The following TTL variants were observed in gnomAD, a reference collection of about 807,000 sequenced individuals.
The protein encoded by TTL is tubulin tyrosine ligase.
In TTL, 10 loss-of-function variants were observed where a neutral mutation model predicts 41.1. The ratio of observed to expected loss-of-function variants is 0.24; its 90% CI spans 0.15 to 0.41. TTL has a LOEUF of 0.41. Ranked by LOEUF, TTL falls within the 10% of genes least tolerant of loss-of-function variation. The pLI, the probability that TTL is intolerant of heterozygous loss-of-function variation, is 1.00. For missense variants in TTL, 367 were observed against 460.4 expected (o/e 0.80, Z 1.86); for synonymous variants, 175 against 175.5 (o/e 1.00, Z 0.02).
Position 112,536,797 on chromosome 2 carries a change from G to A in TTL, c.*8002G>A, listed in dbSNP as rs1164559193. 1 of 152,162 alleles carries A rather than the reference G, an allele frequency of 6.6e-6. No individual in the cohort carries two copies. The highest frequency in any genetic ancestry group is 1.9e-4 in the East Asian group (1 of 5,202). The allele number at this position is 152,162 out of a possible 1,614,324, so 9.4% of individuals were successfully genotyped here. On this transcript the variant is annotated 3_prime_UTR_variant, in exon 7 of 7. Transcript: ENST00000233336. The stretch of plus-strand genomic sequence containing the variant: ...GCAATATTTGGTTTTCTGTTCCTGT[G>A]TTATTTCACTTAGGATAATGGCCTC...
Position 112,541,702 on chromosome 2 carries a change from T to C in TTL, c.*12907T>C. ...ATTGTATGCCAGTTATAACGCAATA[T>C]AGCTGTTAAACACAAACACAATAAA... On this transcript the variant is annotated 3_prime_UTR_variant, in exon 7 of 7. Transcript: ENST00000233336. 4.6e-6 allele frequency: 1 copy of C among 216,002 alleles called. No homozygotes were observed. The highest frequency in any genetic ancestry group is 9.5e-6 in the Non-Finnish European group (1 of 104,990). 13.4% of individuals were successfully genotyped at this position (216,002 alleles called of 1,614,324 possible).
At position 112,533,749 on chromosome 2, in the gene TTL, A is replaced by G. The variant is rs1256070571; in HGVS notation, c.*4954A>G. 6.6e-6 allele frequency: 1 copy of G among 152,164 alleles called. No homozygotes were observed. Among genetic ancestry groups the G allele is most frequent in the African/African-American group, 2.4e-5 (1 of 41,432 alleles). 9.4% of individuals were successfully genotyped at this position (152,164 alleles called of 1,614,324 possible). A position where few individuals can be genotyped will look rare whatever the true frequency, so the allele number is the denominator to read the frequency against. ...TAGAGCTCTCGTGACCTAACCTCTT[A>G]CAGGTCCCACCTCTCAACACTATTG... is the stretch of plus-strand genomic sequence containing the variant. On this transcript the variant is annotated 3_prime_UTR_variant, in exon 7 of 7. Coordinates refer to ENST00000233336, the MANE Select transcript of TTL (RefSeq NM_153712.5).
chr2:112,482,332 G>A lies in TTL; in HGVS notation c.-13G>A, dbSNP rs1378383064. ...GGCGGCTGCCCGGCGGCCCGGGCGC[G>A]CGGCGCTTCGCCATGTACACCTTCG... On this transcript the variant is annotated 5_prime_UTR_variant, in exon 1 of 7. Coordinates refer to ENST00000233336, the MANE Select transcript of TTL (RefSeq NM_153712.5). The surrounding 1 kb of genome is among the most constrained non-coding windows in gnomAD (Gnocchi z 5.3). 6.7e-7 allele frequency: 1 copy of A among 1,493,330 alleles called. No homozygotes were observed. Among genetic ancestry groups the A allele is most frequent in the Admixed American group, 2.2e-5 (1 of 45,908 alleles). The allele number at this position is 1,493,330 out of a possible 1,614,324, so 92.5% of individuals were successfully genotyped here. A position where few individuals can be genotyped will look rare whatever the true frequency, so the allele number is the denominator to read the frequency against.
chr2:112,514,110 G>A (rs114345194), intron 5 of TTL, among the ~76,000 whole-genome samples: 2,974 of 152,046 alleles, frequency 0.02, 42 homozygotes, highest in Middle Eastern at 0.051. Flanking sequence ...TAGGCCAGGC[G>A]CGGCACCTCA....
intron 5 of TTL, among the ~76,000 whole-genome samples, chr2:112,513,043 T>C (rs745823931): frequency 1.4e-4 from 21 of 152,180 alleles, no homozygotes; most frequent in African/African-American, 5.1e-4. Context: ...GTTAATAGTT[T>C]ACCACTTCAA....
At chr2:112,496,843 CAG>C (rs1319550241) in intron 3 of TTL, among the ~76,000 whole-genome samples, 2 of 150,948 alleles carry the variant, frequency 1.3e-5, no homozygotes, top group Non-Finnish European at 3.0e-5. Context: ...TTTTTTGAGA[CAG>C]AGTCTCACTC....
At chr2:112,496,818 C>T (rs1043170411) in intron 3 of TTL, among the ~76,000 whole-genome samples, 2 of 150,358 alleles carry the variant, frequency 1.3e-5, no homozygotes, top group African/African-American at 4.9e-5. Flanking sequence ...AGCGATCCTC[C>T]CAACTCAACC....
intron 5 of TTL, among the ~76,000 whole-genome samples, chr2:112,514,246 G>A (rs1480420595): frequency 6.6e-6 from 1 of 152,070 alleles, no homozygotes; most frequent in Non-Finnish European, 1.5e-5. Context: ...GCTGGGCATG[G>A]TGGTGCACAC....
Position 112,528,932 on chromosome 2 carries a change from C to T in TTL, c.*137C>T, listed in dbSNP as rs73955228. On this transcript the variant is annotated 3_prime_UTR_variant, in exon 7 of 7. Transcript: ENST00000233336. ...CGCAAAGATGAGATGGAAGAAGGCA[C>T]GTGAGCAGAGGAGGCAGCTCCCAAA... The T allele has an allele frequency of 7.7e-3, 5,515 of 715,290 alleles. 216 individuals carry two copies. The African/African-American group carries it at 0.085, about 11-fold the overall frequency. 44.3% of individuals were successfully genotyped at this position (715,290 alleles called of 1,614,324 possible).
In TTL at chr2:112,515,594, A is replaced by G. The variant is rs74633871; in HGVS notation, c.876-4688A>G. 7.5e-3 allele frequency among the ~76,000 whole-genome samples: 1,149 copies of G among 152,330 alleles called. 13 individuals are homozygous for G. The highest frequency in any genetic ancestry group is 0.026 in the African/African-American group (1,078 of 41,572). On this transcript the variant is annotated intron_variant, in intron 5 of 6. Transcript: ENST00000233336. ...ATGTACTCACCTAGCTGTGATATAC[A>G]TAAAAATATAAAACATTTACAGCAT... is the stretch of plus-strand genomic sequence containing the variant.
At chr2:112,527,121 T>G (rs933952226) in intron 6 of TTL, among the ~76,000 whole-genome samples, 2 of 152,192 alleles carry the variant, frequency 1.3e-5, no homozygotes, top group African/African-American at 4.8e-5. Flanking sequence ...TTAATCCTGA[T>G]TTCTAGTTTG....
chr2:112,529,973 C>CT lies in TTL; in HGVS notation c.*1182dup, dbSNP rs1682469242. 4.4e-6 allele frequency: 1 copy of CT among 227,848 alleles called. No homozygotes were observed. Among genetic ancestry groups the CT allele is most frequent in the Non-Finnish European group, 8.7e-6 (1 of 114,710 alleles). The allele number at this position is 227,848 out of a possible 1,614,324, so 14.1% of individuals were successfully genotyped here. On this transcript the variant is annotated 3_prime_UTR_variant, in exon 7 of 7. Coordinates refer to ENST00000233336, the MANE Select transcript of TTL (RefSeq NM_153712.5). ...ACTGGATTAACTAATACTTTATAGG[C>CT]TTTTCAGGAGGCCACATCACTAGCA...
At chr2:112,496,657 ATATGTGTCTGTGTG>A (rs1162001942) in intron 3 of TTL, among the ~76,000 whole-genome samples, 3 of 138,022 alleles carry the variant, frequency 2.2e-5, no homozygotes, top group Non-Finnish European at 4.6e-5. Flanking sequence ...TTTTATATAT[ATATGTGTCTGTGTG>A]TGTGTGTGTG....
chr2:112,538,478 C>T lies in TTL; in HGVS notation c.*9683C>T, dbSNP rs1414932615. 1.3e-5 allele frequency: 2 copies of T among 152,124 alleles called. No homozygotes were observed. Among genetic ancestry groups the T allele is most frequent in the Non-Finnish European group, 2.9e-5 (2 of 68,034 alleles). The allele number at this position is 152,124 out of a possible 1,614,324, so 9.4% of individuals were successfully genotyped here. A position where few individuals can be genotyped will look rare whatever the true frequency, so the allele number is the denominator to read the frequency against. Reference sequence around the variant, plus strand: ...CAAAGTTTGGAATAACTCATGTTCTCTTGTAAGTGGAAGCTAGGCTGAGCA... The same window carrying T: ...CAAAGTTTGGAATAACTCATGTTCTTTTGTAAGTGGAAGCTAGGCTGAGCA... On this transcript the variant is annotated 3_prime_UTR_variant, in exon 7 of 7. Coordinates refer to ENST00000233336, the MANE Select transcript of TTL (RefSeq NM_153712.5).
chr2:112,509,360 G>A (rs1681859222), intron 5 of TTL, among the ~76,000 whole-genome samples: 1 of 151,966 alleles, frequency 6.6e-6, no homozygotes, highest in East Asian at 1.9e-4. Flanking sequence ...GAGCTTCCTG[G>A]CTGCTTTGTT....
intron 2 of TTL, among the ~76,000 whole-genome samples, chr2:112,493,300 G>C (rs1245530428): frequency 1.3e-5 from 2 of 152,008 alleles, no homozygotes; most frequent in South Asian, 2.1e-4. Context: ...GATTCCTGGG[G>C]AGTAAGAGCA....
chr2:112,490,108 A>C (rs1478792394), intron 2 of TTL, among the ~76,000 whole-genome samples: 1 of 152,138 alleles, frequency 6.6e-6, no homozygotes, highest in African/African-American at 2.4e-5. Context: ...TGACACTTAG[A>C]GTCTGCTTCA....
chr2:112,493,671 G>A (rs769992876), intron 2 of TTL, among the ~76,000 whole-genome samples: 27 of 152,194 alleles, frequency 1.8e-4, no homozygotes, highest in Admixed American at 9.2e-4. Context: ...GCCAGCCTGA[G>A]CTAAAAGCAA....
chr2:112,521,300 G>A (rs1236705018), intron 6 of TTL: 2 of 985,262 alleles, frequency 2.0e-6, no homozygotes, highest in African/African-American at 3.5e-5. Flanking sequence ...GAGAAGGCTG[G>A]TTGTAGCATG....
Sources: gnomAD v4.1 joint callset for allele counts (sites outside exome capture counted in the v4.1 genomes callset) on GRCh38, gnomAD v4.1.1 for gene constraint, Gnocchi (gnomAD v3.1) non-coding constraint, MANE v1.5 for transcripts, NCBI Gene and HGNC (gene_info 2026-07-23, HGNC 2026-07-21) for gene names.